GALNTL6: variants seen among roughly 807,000 people sequenced by gnomAD.
The protein encoded by GALNTL6 is polypeptide N-acetylgalactosaminyltransferase like 6.
GALNTL6 carries 46 observed loss-of-function variants against 73.7 expected under a neutral mutation model. The ratio of observed to expected loss-of-function variants is 0.62; its 90% CI spans 0.49 to 0.80. GALNTL6 has a LOEUF of 0.80. GALNTL6 is among the 30% of genes least tolerant of loss of function. The pLI is 0.00. For missense variants in GALNTL6, 604 were observed against 755.0 expected, an observed-to-expected ratio of 0.80 and a Z score of 2.34; for synonymous variants, 259 against 263.7, an observed-to-expected ratio of 0.98 and a Z score of 0.17.
At chr4:171,987,563 G>A (rs1740140961) in intron 2 of GALNTL6, among the ~76,000 whole-genome samples, 1 of 152,188 alleles carries the variant, frequency 6.6e-6, no homozygotes. Context: ...CTGGGCGGGG[G>A]CAAATCCCCG....
chr4:172,154,052 T>A (rs573558221), intron 2 of GALNTL6, among the ~76,000 whole-genome samples: 1 of 152,034 alleles, frequency 6.6e-6, no homozygotes, highest in East Asian at 1.9e-4. Flanking sequence ...TTCTTCTTTT[T>A]TTTTTTCATT....
At chr4:172,762,451 T>TAAAA (rs5864167) in intron 5 of GALNTL6, among the ~76,000 whole-genome samples, 1 of 145,576 alleles carries the variant, frequency 6.9e-6, no homozygotes, top group African/African-American at 2.5e-5. Context: ...GTGTCAAACT[T>TAAAA]AAAAAAAAAA....
intron 5 of GALNTL6, among the ~76,000 whole-genome samples, chr4:172,374,920 G>C (rs1013067156): frequency 8.5e-5 from 13 of 152,112 alleles, no homozygotes; most frequent in African/African-American, 3.1e-4. Flanking sequence ...ACTTCCCCAG[G>C]TCTGCCTTGA....
chr4:171,925,495 A>G (rs1019062557), intron 2 of GALNTL6, among the ~76,000 whole-genome samples: 9 of 152,192 alleles, frequency 5.9e-5, no homozygotes, highest in East Asian at 1.9e-4. Context: ...GAATTTGGGG[A>G]AAAAACTAGG....
intron 7 of GALNTL6, among the ~76,000 whole-genome samples, chr4:172,859,058 AAC>A (rs1744260657): frequency 6.6e-6 from 1 of 151,192 alleles, no homozygotes; most frequent in African/African-American, 2.5e-5. Flanking sequence ...AAAAAAAAAA[AAC>A]AATGATAAAG....
At chr4:171,823,499 A>C (rs964807122) in intron 2 of GALNTL6, among the ~76,000 whole-genome samples, 2 of 151,918 alleles carry the variant, frequency 1.3e-5, no homozygotes, top group Non-Finnish European at 2.9e-5. Context: ...TCCCATGCAA[A>C]TATCTTACTA....
chr4:172,149,028 T>C (rs1353993138), intron 2 of GALNTL6, among the ~76,000 whole-genome samples: 2 of 152,170 alleles, frequency 1.3e-5, no homozygotes, highest in Non-Finnish European at 1.5e-5. Context: ...GTATCAAGTT[T>C]ACCCTTCACC....
intron 5 of GALNTL6, among the ~76,000 whole-genome samples, chr4:172,744,867 G>C (rs1183307573): frequency 6.6e-6 from 1 of 151,592 alleles, no homozygotes; most frequent in African/African-American, 2.4e-5. Context: ...GTGTGTGTGT[G>C]TGTGTATTTC....
At chr4:172,570,072 TAA>T in intron 5 of GALNTL6, among the ~76,000 whole-genome samples, 1 of 152,324 alleles carries the variant, frequency 6.6e-6, no homozygotes, top group East Asian at 1.9e-4. Context: ...GTATTTTAGC[TAA>T]GTGTTTGGGA....
At chr4:172,680,783 G>C (rs1309306688) in intron 5 of GALNTL6, among the ~76,000 whole-genome samples, 3 of 152,180 alleles carry the variant, frequency 2.0e-5, no homozygotes, top group Non-Finnish European at 4.4e-5. Flanking sequence ...ATCAAAGACT[G>C]TCAAAACAGA....
intron 10 of GALNTL6, among the ~76,000 whole-genome samples, chr4:172,984,503 G>C (rs1038258555): frequency 1.3e-5 from 2 of 152,168 alleles, no homozygotes; most frequent in African/African-American, 4.8e-5. Context: ...TGGGGGGCGG[G>C]GAGCACAGAG....
intron 7 of GALNTL6, among the ~76,000 whole-genome samples, chr4:172,878,968 G>T (rs1360412640): frequency 6.6e-6 from 1 of 151,748 alleles, no homozygotes; most frequent in South Asian, 2.1e-4. Flanking sequence ...AGTGACTATA[G>T]TAATATCAAG....
At chr4:172,109,013 CAAAA>C (rs202017302) in intron 2 of GALNTL6, among the ~76,000 whole-genome samples, 1 of 108,334 alleles carries the variant, frequency 9.2e-6, no homozygotes, top group Non-Finnish European at 1.9e-5. Context: ...ACTCCATCTC[CAAAA>C]AAAAAAAAAA....
At chr4:173,023,105 C>T (rs1163355057) in intron 12 of GALNTL6, among the ~76,000 whole-genome samples, 1 of 152,136 alleles carries the variant, frequency 6.6e-6, no homozygotes, top group Admixed American at 6.5e-5. Flanking sequence ...CTTGGCCATC[C>T]TGTGGCTGAG....
Position 172,264,266 on chromosome 4 carries a change from C to T in GALNTL6, c.247+34502C>T, listed in dbSNP as rs1738358384. On this transcript the variant is annotated intron_variant, in intron 3 of 12. Coordinates refer to ENST00000506823, the MANE Select transcript of GALNTL6 (RefSeq NM_001034845.3). ...GTTCACTCTATATGGGTCTTAACTT[C>T]ATGCAGTAATCTCATTTCTACTTCC... Among the ~76,000 whole-genome samples the T allele has an allele frequency of 4.0e-5, 6 of 151,274 alleles. No individual in the cohort carries two copies. In the South Asian group the frequency reaches 1.2e-3, roughly 31 times the overall value.
intron 4 of GALNTL6, among the ~76,000 whole-genome samples, chr4:172,343,632 T>C (rs1578976539): frequency 6.6e-6 from 1 of 152,260 alleles, no homozygotes; most frequent in South Asian, 2.1e-4. Flanking sequence ...TTGAACTGTA[T>C]TTTAAAAATC....
chr4:172,572,804 A>G (rs926229467), intron 5 of GALNTL6, among the ~76,000 whole-genome samples: 6 of 152,170 alleles, frequency 3.9e-5, no homozygotes, highest in Admixed American at 3.3e-4. Context: ...TGATTTAATT[A>G]TATTATCAAC....
At chr4:172,403,074 T>G (rs957109361) in intron 5 of GALNTL6, among the ~76,000 whole-genome samples, 19 of 152,046 alleles carry the variant, frequency 1.2e-4, no homozygotes, top group African/African-American at 3.4e-4. Context: ...AAATAGAAAT[T>G]ATAAAGCTAA....
intron 3 of GALNTL6, among the ~76,000 whole-genome samples, chr4:172,288,181 C>G (rs1468710992): frequency 6.6e-6 from 1 of 151,554 alleles, no homozygotes; most frequent in Non-Finnish European, 1.5e-5. Context: ...AGCTCTGTCT[C>G]CTGGGTTCAA....
Sources: allele counts gnomAD v4.1 joint callset (sites outside exome capture counted in the v4.1 genomes callset), GRCh38; gene constraint gnomAD v4.1.1; transcripts MANE v1.5; gene names NCBI Gene and HGNC (gene_info 2026-07-23, HGNC 2026-07-21).